The following FBXL17 variants were observed in gnomAD, a reference collection of about 807,000 sequenced individuals.
FBXL17 encodes the protein F-box and leucine rich repeat protein 17.
A neutral mutation model predicts 66.2 loss-of-function variants in FBXL17; 22 were observed. That is an observed-to-expected ratio of 0.33 (90% CI 0.24 to 0.47). The LOEUF (loss-of-function observed/expected upper bound fraction) is 0.47. Among genes scored for constraint, FBXL17 ranks in the 20% least tolerant of loss-of-function variants. FBXL17 has a pLI of 1.00. For missense variants in FBXL17, 878 were observed against 948.2 expected (o/e 0.93, Z 0.97); for synonymous variants, 474 against 400.5 (o/e 1.18, Z -2.19).
chr5:107,908,980 G>A (rs1206283772), intron 7 of FBXL17, among the ~76,000 whole-genome samples: 2 of 152,168 alleles, frequency 1.3e-5, no homozygotes, highest in Admixed American at 6.5e-5. Flanking sequence ...AGCACAGCAA[G>A]TGGCCGTCGT....
intron 6 of FBXL17, among the ~76,000 whole-genome samples, chr5:108,173,929 T>C (rs1030402148): frequency 4.6e-5 from 7 of 152,218 alleles, no homozygotes; most frequent in African/African-American, 1.7e-4. Flanking sequence ...ATTATAATAG[T>C]TAATAACAAG....
intron 8 of FBXL17, among the ~76,000 whole-genome samples, chr5:107,867,134 C>T (rs1291309391): frequency 6.6e-6 from 1 of 152,210 alleles, no homozygotes; most frequent in East Asian, 1.9e-4. Context: ...GTAGCAGTCT[C>T]TAAAGTCCTG....
intron 3 of FBXL17, among the ~76,000 whole-genome samples, chr5:108,358,920 T>C (rs2112538286): frequency 6.6e-6 from 1 of 152,196 alleles, no homozygotes; most frequent in South Asian, 2.1e-4. Flanking sequence ...GGGGTCTTGC[T>C]ATATTGCCCT....
chr5:107,983,026 T>G (rs1057123949), intron 7 of FBXL17, among the ~76,000 whole-genome samples: 2 of 152,080 alleles, frequency 1.3e-5, no homozygotes. Flanking sequence ...TTTTCCCTGG[T>G]TTTGTAGCCC....
At chr5:108,349,540 G>C (rs913430939) in intron 3 of FBXL17, among the ~76,000 whole-genome samples, 2 of 152,016 alleles carry the variant, frequency 1.3e-5, no homozygotes, top group African/African-American at 4.8e-5. Context: ...TATAATCTAG[G>C]CTGCACTACA....
chr5:108,352,948 G>T (rs1747745013), intron 3 of FBXL17, among the ~76,000 whole-genome samples: 1 of 152,160 alleles, frequency 6.6e-6, no homozygotes, highest in South Asian at 2.1e-4. Context: ...GGTACCTTGG[G>T]AGCAAGAACT....
chr5:107,995,224 T>C (rs992019497), intron 7 of FBXL17, among the ~76,000 whole-genome samples: 2 of 152,206 alleles, frequency 1.3e-5, no homozygotes, highest in African/African-American at 4.8e-5. Context: ...TTCTTAATTT[T>C]TACATATTAG....
intron 4 of FBXL17, among the ~76,000 whole-genome samples, chr5:108,332,109 TA>T (rs1327945128): frequency 6.6e-6 from 1 of 151,968 alleles, no homozygotes; most frequent in African/African-American, 2.4e-5. Flanking sequence ...ATGATAAACA[TA>T]AAATTCAGGA....
chr5:108,178,278 G>GCTA (rs1752872668), intron 6 of FBXL17, among the ~76,000 whole-genome samples: 1 of 151,948 alleles, frequency 6.6e-6, no homozygotes, highest in African/African-American at 2.4e-5. Context: ...GAACTCCTGA[G>GCTA]CTCAAGTAGT....
In FBXL17 at chr5:108,140,013, T is replaced by C. The variant is rs1025607352; in HGVS notation, c.1745+46104A>G. ...GACTAAACAAAGTGAAACTCCTCAG[T>C]GTATTATAATCTGGGTTTAGTCCCC... On this transcript the variant is annotated intron_variant, in intron 6 of 8. Transcript: ENST00000542267. Among the ~76,000 whole-genome samples, 3 of 152,104 alleles carry C rather than the reference T, an allele frequency of 2.0e-5. No homozygotes were observed. The South Asian group carries it at 6.2e-4, about 32-fold the overall frequency.
intron 7 of FBXL17, among the ~76,000 whole-genome samples, chr5:107,956,699 A>G (rs991645449): frequency 6.6e-6 from 1 of 152,174 alleles, no homozygotes; most frequent in Non-Finnish European, 1.5e-5. Flanking sequence ...CAGCTGGTCC[A>G]CAGAATGTAC....
chr5:108,102,444 T>C (rs866362144), intron 6 of FBXL17, among the ~76,000 whole-genome samples: 8 of 152,208 alleles, frequency 5.3e-5, no homozygotes, highest in African/African-American at 1.9e-4. Flanking sequence ...ATTTTAATTC[T>C]GATTTCACCA....
At chr5:108,309,242 C>T (rs62359544) in intron 4 of FBXL17, among the ~76,000 whole-genome samples, 24,783 of 151,702 alleles carry the variant, frequency 0.16, 2,163 homozygotes, top group South Asian at 0.33. Context: ...GCCAAAATAA[C>T]AGAGCATAGC....
At chr5:108,146,495 A>G (rs1415126420) in intron 6 of FBXL17, among the ~76,000 whole-genome samples, 1 of 152,212 alleles carries the variant, frequency 6.6e-6, no homozygotes, top group Non-Finnish European at 1.5e-5. Flanking sequence ...AATGGCCACG[A>G]AAGTCTACCT....
At position 108,088,403 on chromosome 5, in the gene FBXL17, C is replaced by T. The variant is rs140675268; in HGVS notation, c.1746-67402G>A. On this transcript the variant is annotated intron_variant, in intron 6 of 8. Transcript: ENST00000542267. ...TTCCTTTGACTTCTACCACACTAAA[C>T]TTTTCTAGTTTTATTCCCATTTTTC... 4.7e-3 allele frequency among the ~76,000 whole-genome samples: 712 copies of T among 152,204 alleles called. 4 individuals are homozygous for T. The highest frequency in any genetic ancestry group is 0.017 in the African/African-American group (687 of 41,530).
At chr5:107,981,757 G>A (rs1260976953) in intron 7 of FBXL17, among the ~76,000 whole-genome samples, 4 of 152,136 alleles carry the variant, frequency 2.6e-5, no homozygotes, top group African/African-American at 7.2e-5. Flanking sequence ...GCCAGCATGC[G>A]GAGGGGAGAA....
At chr5:108,202,972 GA>G (rs1348629179) in intron 5 of FBXL17, among the ~76,000 whole-genome samples, 2 of 151,976 alleles carry the variant, frequency 1.3e-5, no homozygotes, top group Non-Finnish European at 2.9e-5. Context: ...AGCAGGAAAA[GA>G]AAAAAATTAT....
chr5:108,121,845 C>A (rs158176), intron 6 of FBXL17, among the ~76,000 whole-genome samples: 99,491 of 152,004 alleles, frequency 0.65, 33,556 homozygotes, highest in East Asian at 0.92. Flanking sequence ...GCGTGAGCCA[C>A]CGCGCTCGGC....
chr5:108,175,963 G>T (rs745615772), intron 6 of FBXL17, among the ~76,000 whole-genome samples: 1 of 152,036 alleles, frequency 6.6e-6, no homozygotes, highest in African/African-American at 2.4e-5. Context: ...TATTTACTGG[G>T]CTTCATTTAT....
Sources: gnomAD v4.1 joint callset for allele counts (sites outside exome capture counted in the v4.1 genomes callset) on GRCh38, gnomAD v4.1.1 for gene constraint, MANE v1.5 for transcripts, NCBI Gene and HGNC (gene_info 2026-07-23, HGNC 2026-07-21) for gene names.